THSD7B: variants seen among roughly 807,000 people sequenced by gnomAD.
THSD7B encodes thrombospondin type-1 domain-containing protein 7B.
THSD7B carries 138 observed loss-of-function variants against 213.6 expected under a neutral mutation model. The observed-to-expected ratio is 0.65, with a 90% CI of 0.56 to 0.74. The LOEUF is 0.74. Among genes scored for constraint, THSD7B ranks in the 30% least tolerant of loss-of-function variants. THSD7B has a pLI of 0.00. For missense variants in THSD7B, 1,931 were observed against 1,991.5 expected, an observed-to-expected ratio of 0.97 and a Z score of 0.58; for synonymous variants, 742 against 687.0, an observed-to-expected ratio of 1.08 and a Z score of -1.25.
At chr2:137,364,861 G>T (rs1685368069) in intron 12 of THSD7B, among the ~76,000 whole-genome samples, 1 of 152,180 alleles carries the variant, frequency 6.6e-6, no homozygotes. Flanking sequence ...AGCTGCCAAT[G>T]ACTTTCTTCA....
chr2:137,281,133 G>A (rs76380663), intron 12 of THSD7B, among the ~76,000 whole-genome samples: 4,089 of 152,098 alleles, frequency 0.027, 212 homozygotes, highest in African/African-American at 0.093. Flanking sequence ...CCTGAGAAAT[G>A]TTTAGGTGGA....
chr2:137,316,811 A>G lies in THSD7B; in HGVS notation c.2500+40785A>G, dbSNP rs865957309. Among the ~76,000 whole-genome samples the G allele has an allele frequency of 1.3e-5, 2 of 151,924 alleles. 1 individual carries two copies. The highest frequency in any genetic ancestry group is 6.4e-3 in the Middle Eastern group (2 of 314). On this transcript the variant is annotated intron_variant, in intron 12 of 27. Coordinates refer to ENST00000409968, the MANE Select transcript of THSD7B (RefSeq NM_001316349.2). Reference sequence around the variant, plus strand: ...GAAAAGGCGACCAGGTTCTTATGATATGGTAATTTTGATGGGGAGAGGATG... The same window carrying G: ...GAAAAGGCGACCAGGTTCTTATGATGTGGTAATTTTGATGGGGAGAGGATG...
intron 5 of THSD7B, among the ~76,000 whole-genome samples, chr2:137,128,473 T>A (rs1405422685): frequency 6.6e-6 from 1 of 152,206 alleles, no homozygotes; most frequent in Non-Finnish European, 1.5e-5. Context: ...CTGAAGATTC[T>A]GATTTAATGA....
chr2:137,299,903 C>A (rs531860152), intron 12 of THSD7B, among the ~76,000 whole-genome samples: 104 of 152,130 alleles, frequency 6.8e-4, no homozygotes, highest in Non-Finnish European at 1.3e-3. Context: ...TGCTTTTAAA[C>A]CATAAAACAT....
intron 1 of THSD7B, among the ~76,000 whole-genome samples, chr2:136,837,408 TC>T (rs1682860937): frequency 6.6e-6 from 1 of 152,176 alleles, no homozygotes; most frequent in Non-Finnish European, 1.5e-5. Context: ...ATAATTCTCC[TC>T]ACCCAGATAC....
chr2:137,167,492 A>C (rs1262380732), intron 6 of THSD7B, among the ~76,000 whole-genome samples: 1 of 152,098 alleles, frequency 6.6e-6, no homozygotes, highest in Non-Finnish European at 1.5e-5. Flanking sequence ...TGGATAGCTC[A>C]TGTGTACACT....
chr2:137,177,177 C>T (rs1442624141), intron 7 of THSD7B, among the ~76,000 whole-genome samples: 3 of 152,202 alleles, frequency 2.0e-5, no homozygotes, highest in African/African-American at 7.2e-5. Context: ...CTTCAATATA[C>T]TGCTTCTGTT....
Position 137,237,026 on chromosome 2 carries a change from C to A in THSD7B, c.2150+3893C>A, listed in dbSNP as rs7566711. On this transcript the variant is annotated intron_variant, in intron 9 of 27. Transcript: ENST00000409968. The stretch of plus-strand genomic sequence containing the variant: ...CTCGGGAGGCTGAGGCAGGAGAATC[C>A]CTTGAACCTGGGAGGCAGAGCTTGC... Among the ~76,000 whole-genome samples the A allele has an allele frequency of 4.0e-5, 6 of 150,796 alleles. No individual in the cohort carries two copies. The South Asian group carries it at 6.3e-4, about 16-fold the overall frequency.
At chr2:136,814,882 G>T (rs968640632) in intron 1 of THSD7B, among the ~76,000 whole-genome samples, 6 of 152,230 alleles carry the variant, frequency 3.9e-5, no homozygotes, top group Middle Eastern at 3.4e-3. Flanking sequence ...AGATGAGAAT[G>T]TTTTTTATAC....
intron 14 of THSD7B, 85 bp downstream of exon 14, chr2:137,411,957 G>T: frequency 6.9e-7 from 1 of 1,446,088 alleles, no homozygotes; most frequent in Non-Finnish European, 9.3e-7. Flanking sequence ...TAATAGCTCT[G>T]CTCTATAATA....
chr2:136,922,935 A>G (rs1423720348), intron 2 of THSD7B, among the ~76,000 whole-genome samples: 1 of 152,176 alleles, frequency 6.6e-6, no homozygotes, highest in East Asian at 1.9e-4. Context: ...CGTGAATTGT[A>G]ATTTTTTACC....
At chr2:137,410,970 G>T (rs1558788141) in intron 13 of THSD7B, among the ~76,000 whole-genome samples, 1 of 152,136 alleles carries the variant, frequency 6.6e-6, no homozygotes, top group Non-Finnish European at 1.5e-5. Flanking sequence ...CTCAGAGATA[G>T]GACCAAAACT....
intron 2 of THSD7B, among the ~76,000 whole-genome samples, chr2:136,923,889 C>T (rs989537275): frequency 1.3e-5 from 2 of 152,114 alleles, no homozygotes; most frequent in African/African-American, 2.4e-5. Flanking sequence ...CATATTTTCT[C>T]TCATTCTGCA....
At chr2:137,546,425 T>A (rs78953439) in intron 15 of THSD7B, among the ~76,000 whole-genome samples, 552 of 18,484 alleles carry the variant, frequency 0.03, 45 homozygotes, top group Middle Eastern at 0.068. Context: ...TTATATATAT[T>A]ATATATATAT....
intron 17 of THSD7B, among the ~76,000 whole-genome samples, chr2:137,599,463 A>C (rs1476057562): frequency 6.6e-6 from 1 of 151,762 alleles, no homozygotes; most frequent in Non-Finnish European, 1.5e-5. Context: ...TTAGAATGGC[A>C]ATCATTAAAA....
intron 12 of THSD7B, among the ~76,000 whole-genome samples, chr2:137,338,268 G>C (rs1328320639): frequency 1.3e-5 from 2 of 151,920 alleles, no homozygotes; most frequent in African/African-American, 4.8e-5. Flanking sequence ...TTTGCATGGC[G>C]AATAGCTTCT....
intron 14 of THSD7B, among the ~76,000 whole-genome samples, chr2:137,419,305 G>C (rs1457362321): frequency 1.3e-5 from 2 of 150,600 alleles, no homozygotes; most frequent in East Asian, 3.9e-4. Flanking sequence ...TGCCTGGCTT[G>C]TACTCTGGTG....
intron 12 of THSD7B, among the ~76,000 whole-genome samples, chr2:137,312,288 T>C (rs1032407017): frequency 2.6e-5 from 4 of 152,290 alleles, no homozygotes; most frequent in Admixed American, 2.0e-4. Context: ...TCTAGTTTAT[T>C]TGCGTAGAGG....
chr2:137,203,053 G>GATAA (rs58317441), intron 7 of THSD7B, among the ~76,000 whole-genome samples: 1 of 151,732 alleles, frequency 6.6e-6, no homozygotes. Flanking sequence ...TGGATAAACA[G>GATAA]TATTTTGTTT....
Sources: allele counts gnomAD v4.1 joint callset (sites outside exome capture counted in the v4.1 genomes callset), GRCh38; gene constraint gnomAD v4.1.1; transcripts MANE v1.5; gene names NCBI Gene and HGNC (gene_info 2026-07-23, HGNC 2026-07-21).